LRRC4C: variants seen among roughly 807,000 people sequenced by gnomAD.
The protein encoded by LRRC4C is leucine rich repeat containing 4C.
A neutral mutation model predicts 33.6 loss-of-function variants in LRRC4C; 5 were observed. That is an observed-to-expected ratio of 0.15 (90% CI 0.08 to 0.31). The LOEUF (loss-of-function observed/expected upper bound fraction) is 0.31, where lower values mean the gene tolerates loss of function less well. Ranked by LOEUF, LRRC4C falls within the 10% of genes least tolerant of loss-of-function variation. The pLI, the probability that LRRC4C is intolerant of heterozygous loss-of-function variation, is 1.00. For synonymous variants in LRRC4C, 329 were observed against 302.0 expected (o/e 1.09, Z -0.93); for missense variants, 560 against 796.7 (o/e 0.70, Z 3.58).
chr11:40,357,094 C>G (rs1379430495), intron 3 of LRRC4C, among the ~76,000 whole-genome samples: 1 of 152,014 alleles, frequency 6.6e-6, no homozygotes, highest in Non-Finnish European at 1.5e-5. Context: ...TCATATTATG[C>G]TCTTTAGAGG....
At chr11:41,091,994 TA>T (rs572817820) in intron 1 of LRRC4C, among the ~76,000 whole-genome samples, 190 of 152,270 alleles carry the variant, frequency 1.2e-3, no homozygotes, top group African/African-American at 4.3e-3. Flanking sequence ...AAGATTGAGA[TA>T]AAAATATACA....
intron 1 of LRRC4C, among the ~76,000 whole-genome samples, chr11:40,962,200 A>T (rs1288725152): frequency 6.6e-6 from 1 of 151,612 alleles, no homozygotes; most frequent in African/African-American, 2.4e-5. Flanking sequence ...TCAGAGAGAA[A>T]AAAAGGGGCT....
At chr11:40,486,958 T>G (rs1013041) in intron 3 of LRRC4C, among the ~76,000 whole-genome samples, 1 of 151,710 alleles carries the variant, frequency 6.6e-6, no homozygotes, top group East Asian at 1.9e-4. Flanking sequence ...TTTTTTGTAT[T>G]AGAAACTGGA....
At chr11:40,123,950 C>T (rs1054813916) in intron 6 of LRRC4C, among the ~76,000 whole-genome samples, 4 of 152,080 alleles carry the variant, frequency 2.6e-5, no homozygotes, top group African/African-American at 7.2e-5. Flanking sequence ...CTACAGTGAA[C>T]TCATTTTTGA....
At chr11:40,546,153 T>A (rs78915598) in intron 3 of LRRC4C, among the ~76,000 whole-genome samples, 11 of 145,650 alleles carry the variant, frequency 7.6e-5, no homozygotes, top group African/African-American at 2.7e-4. Flanking sequence ...TCTTTCTTTC[T>A]CTCTAATTTA....
intron 1 of LRRC4C, among the ~76,000 whole-genome samples, chr11:41,043,006 T>C (rs904387161): frequency 6.6e-6 from 1 of 151,914 alleles, no homozygotes; most frequent in African/African-American, 2.4e-5. Context: ...TTTTGTTTTT[T>C]TTTTTCCTTC....
intron 1 of LRRC4C, among the ~76,000 whole-genome samples, chr11:41,285,555 A>C: frequency 6.6e-6 from 1 of 152,286 alleles, no homozygotes; most frequent in South Asian, 2.1e-4. Flanking sequence ...TAATCATAAT[A>C]AAATAGCATG....
intron 2 of LRRC4C, among the ~76,000 whole-genome samples, chr11:40,792,750 AT>A (rs1391973163): frequency 9.2e-5 from 14 of 152,254 alleles, no homozygotes; most frequent in Admixed American, 5.9e-4. Flanking sequence ...ATGTCCAACA[AT>A]GATAGACTGG....
intron 2 of LRRC4C, among the ~76,000 whole-genome samples, chr11:40,837,082 G>C (rs1952705322): frequency 6.6e-6 from 1 of 152,112 alleles, no homozygotes; most frequent in Non-Finnish European, 1.5e-5. Flanking sequence ...ATAAAAATGA[G>C]ATCCTCCGTT....
In LRRC4C at chr11:40,368,230, G is replaced by A. The variant is rs575308070; in HGVS notation, c.-269-48509C>T. ...TAGGCTATGAGAGACTATTGGTGGC[G>A]ATACAATATACTTTGGGAAGGTTAA... On this transcript the variant is annotated intron_variant, in intron 3 of 6. Transcript: ENST00000528697. 2.6e-5 allele frequency among the ~76,000 whole-genome samples: 4 copies of A among 152,124 alleles called. 1 individual carries two copies. The South Asian group carries it at 6.2e-4, about 24-fold the overall frequency.
intron 3 of LRRC4C, among the ~76,000 whole-genome samples, chr11:40,408,116 A>T (rs1487537165): frequency 6.6e-6 from 1 of 151,986 alleles, no homozygotes; most frequent in Non-Finnish European, 1.5e-5. Context: ...TATCAATCGG[A>T]TATGAGATTC....
intron 3 of LRRC4C, among the ~76,000 whole-genome samples, chr11:40,473,082 G>A (rs946546484): frequency 1.3e-5 from 2 of 152,118 alleles, no homozygotes; most frequent in Admixed American, 6.6e-5. Flanking sequence ...GAAAAACAGG[G>A]GCTCCTCCCT....
chr11:40,572,464 C>G (rs1351982471), intron 3 of LRRC4C, among the ~76,000 whole-genome samples: 3 of 152,146 alleles, frequency 2.0e-5, no homozygotes, highest in Non-Finnish European at 4.4e-5. Context: ...TACAAGATGA[C>G]TGGACCAATA....
At chr11:40,563,536 G>T (rs1044430045) in intron 3 of LRRC4C, among the ~76,000 whole-genome samples, 5 of 152,070 alleles carry the variant, frequency 3.3e-5, no homozygotes, top group Non-Finnish European at 5.9e-5. Context: ...GCTAAGTAAG[G>T]GTCAGAGGGT....
intron 3 of LRRC4C, among the ~76,000 whole-genome samples, chr11:40,562,718 T>G (rs1957596939): frequency 6.6e-6 from 1 of 152,186 alleles, no homozygotes; most frequent in Admixed American, 6.5e-5. Flanking sequence ...TGCTGCAACT[T>G]CAGACCCTCT....
rs553933642 is a variant in LRRC4C, at chr11:41,013,288, T to C, written c.-495-79565A>G. Reference sequence around the variant, plus strand: ...ATCCACTGCTTTTAACCTGTGTCTTTACTTAGCTTTAAAATGGCACGTTTT... The same window carrying C: ...ATCCACTGCTTTTAACCTGTGTCTTCACTTAGCTTTAAAATGGCACGTTTT... On this transcript the variant is annotated intron_variant, in intron 1 of 6. Coordinates refer to ENST00000528697, the MANE Select transcript of LRRC4C (RefSeq NM_001258419.2). Among the ~76,000 whole-genome samples, 3 of 152,350 alleles carry C rather than the reference T, an allele frequency of 2.0e-5. No homozygotes were observed. In the East Asian group the frequency reaches 5.8e-4, roughly 29 times the overall value.
At chr11:41,437,786 C>T (rs952180199) in intron 1 of LRRC4C, among the ~76,000 whole-genome samples, 1 of 152,120 alleles carries the variant, frequency 6.6e-6, no homozygotes, top group African/African-American at 2.4e-5. Context: ...GCCTGTAATC[C>T]CAGCACTTTG....
intron 2 of LRRC4C, among the ~76,000 whole-genome samples, chr11:40,673,937 A>C (rs1390153999): frequency 6.6e-6 from 1 of 152,200 alleles, no homozygotes; most frequent in African/African-American, 2.4e-5. Context: ...TTCATGAACC[A>C]TCGCTTTCTT....
rs559297797 is a variant in LRRC4C, at chr11:40,546,380, G to T, written c.-270+101762C>A. The stretch of plus-strand genomic sequence containing the variant: ...TTTATATTTTTACCACCTTCTATCT[G>T]TATTACTGTGGTCAAGTTATTTAAC... On this transcript the variant is annotated intron_variant, in intron 3 of 6. Transcript: ENST00000528697. 5.3e-5 allele frequency among the ~76,000 whole-genome samples: 8 copies of T among 152,044 alleles called. No individual in the cohort carries two copies. In the East Asian group the frequency reaches 1.5e-3, roughly 29 times the overall value.
Sources: gnomAD v4.1 joint callset for allele counts (sites outside exome capture counted in the v4.1 genomes callset) on GRCh38, gnomAD v4.1.1 for gene constraint, MANE v1.5 for transcripts, NCBI Gene and HGNC (gene_info 2026-07-23, HGNC 2026-07-21) for gene names.